Variants in TTC22 observed in about 807,000 individuals in gnomAD.
TTC22 encodes tetratricopeptide repeat protein 22.
TTC22 carries 42 observed loss-of-function variants against 48.2 expected under a neutral mutation model. The observed-to-expected ratio is 0.87, with a 90% CI of 0.68 to 1.13. The LOEUF (loss-of-function observed/expected upper bound fraction) is 1.13, where lower values mean the gene tolerates loss of function less well. Ranked by LOEUF, TTC22 falls within the 50% of genes most tolerant of loss-of-function variation. The pLI is 0.00. For missense variants in TTC22, 784 were observed against 807.0 expected, an observed-to-expected ratio of 0.97 and a Z score of 0.34; for synonymous variants, 345 against 365.5, an observed-to-expected ratio of 0.94 and a Z score of 0.64.
intron 5 of TTC22, chr1:54,784,515 T>C: frequency 9.0e-6 from 9 of 1,001,474 alleles, no homozygotes; most frequent in Non-Finnish European, 1.1e-5. Flanking sequence ...CTCAGAGGGT[T>C]CTTGTGAACA....
intron 1 of TTC22, chr1:54,794,637 G>C (rs1046738488): frequency 1.3e-5 from 2 of 152,208 alleles, no homozygotes; most frequent in African/African-American, 4.8e-5. Flanking sequence ...ACAGGAAAGA[G>C]AATGAACATT....
Position 54,786,186 on chromosome 1 carries a change from C to A in TTC22, c.859-42G>T. ...TGCAAAAACAAACCACTTGCTTGGT[C>A]ATTAGCCAGAGCTGGCTAAACAGTG... is the stretch of plus-strand genomic sequence containing the variant. On this transcript the variant is annotated intron_variant, in intron 4 of 6. Coordinates refer to ENST00000371276, the MANE Select transcript of TTC22 (RefSeq NM_001114108.2). 1.9e-6 allele frequency: 3 copies of A among 1,598,824 alleles called. No homozygotes were observed. In the South Asian group the frequency reaches 3.4e-5, roughly 18 times the overall value.
At chr1:54,788,215 C>T (rs1388866943) in intron 1 of TTC22, 118 bp from the exon 2 acceptor site, 3 of 940,340 alleles carry the variant, frequency 3.2e-6, no homozygotes, top group Non-Finnish European at 5.1e-6. Flanking sequence ...AGGGCTTTGA[C>T]CTTAAACACC....
chr1:54,796,211 C>T (rs761899499), intron 1 of TTC22, among the ~76,000 whole-genome samples: 5 of 152,240 alleles, frequency 3.3e-5, no homozygotes, highest in Non-Finnish European at 7.3e-5. Context: ...CGTGTGGACA[C>T]GCATGCGTGC....
chr1:54,796,691 G>T (rs971578047), intron 1 of TTC22, among the ~76,000 whole-genome samples: 1 of 144,360 alleles, frequency 6.9e-6, no homozygotes, highest in Non-Finnish European at 1.6e-5. Context: ...TTGGGACAGG[G>T]ATTTTTTTTT....
In TTC22 at chr1:54,783,950, C is replaced by T. The variant is rs141988569; in HGVS notation, c.1021-1473G>A. Among the ~76,000 whole-genome samples, 431 of 152,144 alleles carry T rather than the reference C, an allele frequency of 2.8e-3. 2 individuals are homozygous for T. Among genetic ancestry groups the T allele is most frequent in the East Asian group, 0.011 (55 of 5,170 alleles). ...CCAGGAGTTCAAGGCTGCAGTGGGC[C>T]GTGATCATGCCACTCCACTCCAGCC... On this transcript the variant is annotated intron_variant, in intron 5 of 6. Coordinates refer to ENST00000371276, the MANE Select transcript of TTC22 (RefSeq NM_001114108.2).
At chr1:54,784,670 G>A (rs1392534321) in intron 5 of TTC22, 2 of 1,134,694 alleles carry the variant, frequency 1.8e-6, no homozygotes, top group South Asian at 1.9e-5. Context: ...CTCCTGCCTC[G>A]TACCTGCTGG....
rs1646436728 is a variant in TTC22, at chr1:54,801,277, G to C, written c.-114C>G. ...CGGGAGGCGAGGGGCAGCCGGCAGAGGCCCCGGGCGCTGCGGCCTCTCGGT... is the reference window on the plus strand; with the variant it reads ...CGGGAGGCGAGGGGCAGCCGGCAGACGCCCCGGGCGCTGCGGCCTCTCGGT... On this transcript the variant is annotated 5_prime_UTR_variant, in exon 1 of 7. Transcript: ENST00000371276. 8.9e-7 allele frequency: 1 copy of C among 1,117,388 alleles called. No homozygotes were observed. The highest frequency in any genetic ancestry group is 1.3e-6 in the Non-Finnish European group (1 of 791,122). 69.2% of individuals were successfully genotyped at this position (1,117,388 alleles called of 1,614,324 possible).
chr1:54,782,558 T>C, intron 5 of TTC22, 81 bp from the exon 6 acceptor site: 1 of 1,379,832 alleles, frequency 7.2e-7, no homozygotes, highest in African/African-American at 1.5e-5. Flanking sequence ...GAACCCAGTC[T>C]TTTTTTCAAC....
intron 3 of TTC22, 97 bp downstream of exon 3, chr1:54,787,614 G>T: frequency 1.2e-6 from 1 of 867,912 alleles, no homozygotes; most frequent in Non-Finnish European, 1.9e-6. Context: ...AGAAACAGGA[G>T]CCAAGAAGGG....
chr1:54,782,335 TCCAGGTACG>T lies in TTC22; in HGVS notation c.1154_1162del (p.Ala385_Leu387del). On this transcript the variant is annotated inframe_deletion, in exon 6 of 7. Transcript: ENST00000371276. ...AAGAGACTGCCTTACCTGGCCGATG[TCCAGGTACG>T]CCTTGAAGCCTGGGCACACCCTGAC... 6.5e-7 allele frequency: 1 copy of T among 1,541,398 alleles called. No individual in the cohort carries two copies.
chr1:54,788,208 G>T, intron 1 of TTC22, 111 bp from the exon 2 acceptor site: 2 of 1,058,596 alleles, frequency 1.9e-6, no homozygotes, highest in Non-Finnish European at 2.9e-6. Context: ...AGTGGGAAGG[G>T]CTTTGACCTT....
intron 1 of TTC22, among the ~76,000 whole-genome samples, chr1:54,790,094 G>A (rs1646338473): frequency 1.3e-5 from 2 of 152,200 alleles, no homozygotes; most frequent in South Asian, 4.1e-4. Context: ...GAGCTGGAGG[G>A]TTGGGCGCAG....
At position 54,788,101 on chromosome 1, in the gene TTC22, G is replaced by C. The variant is rs1454473706; in HGVS notation, c.568-4C>G. The C allele has an allele frequency of 1.2e-6, 2 of 1,613,814 alleles. No homozygotes were observed. The highest frequency in any genetic ancestry group is 3.3e-5 in the Admixed American group (2 of 59,988). On this transcript the variant is annotated splice_polypyrimidine_tract_variant and splice_region_variant and intron_variant, in intron 1 of 6. Transcript: ENST00000371276. ...CCCTTTTCTCCTCCATCGGGATCTA[G>C]GGAAACAGAGAACAGCCCACACTGC...
At position 54,781,689 on chromosome 1, in the gene TTC22, C is replaced by T; in HGVS notation, c.1264G>A (p.Ala422Thr). 6.5e-7 allele frequency: 1 copy of T among 1,530,408 alleles called. No homozygotes were observed. The highest frequency in any genetic ancestry group is 1.4e-5 in the African/African-American group (1 of 72,292). 94.8% of individuals were successfully genotyped at this position (1,530,408 alleles called of 1,614,324 possible). A position where few individuals can be genotyped will look rare whatever the true frequency, so the allele number is the denominator to read the frequency against. Reference protein sequence around the residue: ...LNQALVFLAKAGESELGATLP... With the variant: ...LNQALVFLAKTGESELGATLP... ...GTGGCACCCAGCTCCGACTCGCCCG[C>T]CTTGGCCAGGAACACCAGCGCCTGG... Residue 422 changes from alanine (A) to threonine (T), a missense_variant, in exon 7 of 7, where the codon GCG (alanine) becomes ACG (threonine). Coordinates refer to ENST00000371276, the MANE Select transcript of TTC22 (RefSeq NM_001114108.2).
At chr1:54,786,858 TG>T (rs1043804928) in intron 4 of TTC22, 98 bp downstream of exon 4, 26 of 535,556 alleles carry the variant, frequency 4.9e-5, no homozygotes, top group East Asian at 2.5e-4. Context: ...GGCCACGCGG[TG>T]GGGGTTGATA....
In TTC22 at chr1:54,786,980, C is replaced by T. The variant is rs1348596670; in HGVS notation, c.835G>A (p.Asp279Asn). ...ACCTTGCCGAAGCAGTCTAGAGGGT[C>T]GGTCCCTGAGTACCCGCAGTCATGG... is the stretch of plus-strand genomic sequence containing the variant. ...GVHDCGYSGT[D>N]PLDCFGKAIE... Residue 279 changes from aspartate (D) to asparagine (N), a missense_variant, in exon 4 of 7, where the codon GAC becomes AAC. Physicochemically the swap from Asp to Asn is conservative, Grantham distance 23. Transcript: ENST00000371276. The T allele has an allele frequency of 2.3e-5, 35 of 1,552,316 alleles. No homozygotes were observed. The highest frequency in any genetic ancestry group is 2.6e-5 in the Non-Finnish European group (30 of 1,149,166).
At chr1:54,797,754 T>C (rs1646403587) in intron 1 of TTC22, among the ~76,000 whole-genome samples, 1 of 152,262 alleles carries the variant, frequency 6.6e-6, no homozygotes, top group Admixed American at 6.5e-5. Context: ...TTAACTTTTA[T>C]AATGTTTTCT....
rs1207894863 is a variant in TTC22, at chr1:54,787,911, G to A, written c.624-85C>T. 16 of 1,451,776 alleles carry A rather than the reference G, an allele frequency of 1.1e-5. 1 individual carries two copies. Among genetic ancestry groups the A allele is most frequent in the Non-Finnish European group, 1.5e-5 (16 of 1,047,250 alleles). 89.9% of individuals were successfully genotyped at this position (1,451,776 alleles called of 1,614,324 possible). ...CAGCCCTGCCCAGGCCTGTGGTGGT[G>A]GGGGGTGGCGGTTTGGGGAGCCCTT... On this transcript the variant is annotated intron_variant, in intron 2 of 6. Transcript: ENST00000371276.
Sources: allele counts gnomAD v4.1 joint callset (sites outside exome capture counted in the v4.1 genomes callset), GRCh38; gene constraint gnomAD v4.1.1; transcripts MANE v1.5; gene names NCBI Gene and HGNC (gene_info 2026-07-23, HGNC 2026-07-21).